Variants in RFX6 observed in about 807,000 individuals in gnomAD.
RFX6 encodes the protein regulatory factor X6.
A neutral mutation model predicts 110.8 loss-of-function variants in RFX6; 50 were observed. That is an observed-to-expected ratio of 0.45 (90% confidence interval 0.36 to 0.57). The LOEUF (loss-of-function observed/expected upper bound fraction) is 0.57, where lower values mean the gene tolerates loss of function less well. RFX6 is among the 20% of genes least tolerant of loss of function. The probability of loss-of-function intolerance (pLI) is 0.00; values close to 1 mark genes in which losing one functional copy is unlikely to be tolerated. For synonymous variants in RFX6, 383 were observed against 411.2 expected (o/e 0.93, Z 0.83); for missense variants, 990 against 1,127.0 (o/e 0.88, Z 1.74).
chr6:116,901,007 G>A (rs1335614995), intron 6 of RFX6, among the ~76,000 whole-genome samples: 3 of 152,046 alleles, frequency 2.0e-5, no homozygotes, highest in African/African-American at 7.2e-5. Flanking sequence ...ACTGTACTTC[G>A]AGTACCCATA....
chr6:116,920,227 A>G lies in RFX6; in HGVS notation c.1183-83A>G. On this transcript the variant is annotated intron_variant, in intron 11 of 18. Coordinates refer to ENST00000332958, the MANE Select transcript of RFX6 (RefSeq NM_173560.4). ...ATTTATGATACTTTTATCTCAAGGA[A>G]CTATTTTTCTGATAGCTAAAAATTT... is the stretch of plus-strand genomic sequence containing the variant. The G allele has an allele frequency of 3.8e-6, 4 of 1,043,042 alleles. No individual in the cohort carries two copies. The Admixed American group carries it at 5.1e-5, about 13-fold the overall frequency. 64.6% of individuals were successfully genotyped at this position (1,043,042 alleles called of 1,614,324 possible). A position where few individuals can be genotyped will look rare whatever the true frequency, so the allele number is the denominator to read the frequency against.
At position 116,882,436 on chromosome 6, in the gene RFX6, A is replaced by G. The variant is rs763331064; in HGVS notation, c.566+8A>G. The G allele has an allele frequency of 1.1e-5, 18 of 1,599,676 alleles. No individual in the cohort carries two copies. The highest frequency in any genetic ancestry group is 1.5e-5 in the Non-Finnish European group (18 of 1,167,136). The stretch of plus-strand genomic sequence containing the variant: ...AACAAGAGGCCATTCAAAGTAAGAT[A>G]CCAGTGAACATATTCAGGTTCTGCT... On this transcript the variant is annotated splice_region_variant and intron_variant, in intron 4 of 18. Coordinates refer to ENST00000332958, the MANE Select transcript of RFX6 (RefSeq NM_173560.4).
chr6:116,878,224 TGAAC>T (rs2114658156), intron 2 of RFX6, among the ~76,000 whole-genome samples: 1 of 152,332 alleles, frequency 6.6e-6, no homozygotes, highest in Non-Finnish European at 1.5e-5. Context: ...TAAGCATTAA[TGAAC>T]GTTTTTATGA....
chr6:116,896,718 A>T (rs959650750), intron 6 of RFX6, among the ~76,000 whole-genome samples: 10 of 151,514 alleles, frequency 6.6e-5, no homozygotes, highest in Non-Finnish European at 1.2e-4. Context: ...AAAAAAAAAA[A>T]ATTGTATTTA....
intron 2 of RFX6, among the ~76,000 whole-genome samples, chr6:116,878,454 TACTAACTTAAATAGAAGTTCA>T (rs1382265321): frequency 6.6e-6 from 1 of 152,140 alleles, no homozygotes; most frequent in Admixed American, 6.5e-5. Context: ...AAGATATCTA[TACTAACTTAAATAGAAGTTCA>T]ACTATTTTTA....
chr6:116,927,162 C>A lies in RFX6; in HGVS notation c.2021C>A (p.Ala674Asp). The change falls in exon 17 of 19, where the codon GCT (alanine) becomes GAT (aspartate). Residue 674 changes from alanine (A) to aspartate (D), a missense_variant. Around this residue, in one of 5 missense-constraint regions of RFX6, gnomAD observed 438 missense variants for 441.9 expected, o/e 0.99. Coordinates refer to ENST00000332958, the MANE Select transcript of RFX6 (RefSeq NM_173560.4). ...CCAAGTGTGGGCCCAGTACTGTCAGCTCCATCACACTGCTCCACATACCCA... is the reference window on the plus strand; with the variant it reads ...CCAAGTGTGGGCCCAGTACTGTCAGATCCATCACACTGCTCCACATACCCA... ...RPPSVGPVLS[A>D]PSHCSTYPEP... 1 of 1,614,170 alleles carries A rather than the reference C, an allele frequency of 6.2e-7. No homozygotes were observed. Among genetic ancestry groups the A allele is most frequent in the Non-Finnish European group, 8.5e-7 (1 of 1,180,028 alleles).
chr6:116,887,168 A>C (rs17206837), intron 4 of RFX6, among the ~76,000 whole-genome samples: 2,462 of 152,314 alleles, frequency 0.016, 26 homozygotes, highest in Non-Finnish European at 0.026. Context: ...AAAATTAGGA[A>C]CAATTAAAAA....
intron 6 of RFX6, among the ~76,000 whole-genome samples, chr6:116,907,845 G>C (rs551102674): frequency 6.6e-6 from 1 of 152,084 alleles, no homozygotes; most frequent in East Asian, 1.9e-4. Flanking sequence ...AACAATTATT[G>C]TAAAACTGTT....
chr6:116,883,290 CT>C (rs1313583379), intron 4 of RFX6, among the ~76,000 whole-genome samples: 3 of 152,106 alleles, frequency 2.0e-5, no homozygotes, highest in African/African-American at 7.2e-5. Context: ...ATAATGCCCT[CT>C]TAAAATAAAT....
intron 6 of RFX6, among the ~76,000 whole-genome samples, chr6:116,900,757 G>T (rs1204376313): frequency 6.6e-6 from 1 of 151,968 alleles, no homozygotes; most frequent in Non-Finnish European, 1.5e-5. Context: ...TAATATCAAA[G>T]AAATGGTTAC....
chr6:116,902,899 AT>A (rs1246778454), intron 6 of RFX6, among the ~76,000 whole-genome samples: 1 of 152,018 alleles, frequency 6.6e-6, no homozygotes, highest in Non-Finnish European at 1.5e-5. Context: ...ATCTTTCCTC[AT>A]AAATCAGACC....
At position 116,931,773 on chromosome 6, in the gene RFX6, A is replaced by AAACATTT; in HGVS notation, c.*268_*274dup. 2.9e-6 allele frequency: 1 copy of AAACATTT among 350,454 alleles called. No individual in the cohort carries two copies. Among genetic ancestry groups the AAACATTT allele is most frequent in the Non-Finnish European group, 5.2e-6 (1 of 193,356 alleles). 21.7% of individuals were successfully genotyped at this position (350,454 alleles called of 1,614,324 possible). ...AAAACCAGTGAAGATCTGAAGATGC[A>AAACATTT]AACATTTCAACTATGAAGATTTACA... is the stretch of plus-strand genomic sequence containing the variant. On this transcript the variant is annotated 3_prime_UTR_variant, in exon 19 of 19. Coordinates refer to ENST00000332958, the MANE Select transcript of RFX6 (RefSeq NM_173560.4).
In RFX6 at chr6:116,927,481, G is replaced by A; in HGVS notation, c.2340G>A (p.Leu780=). Residue 780 remains leucine (L), a synonymous_variant, in exon 17 of 19, where the codon TTG becomes TTA. Transcript: ENST00000332958. ...QFLNTGSFNF[L]SNTGAASCQG... is the part of the protein sequence containing the mutation. Reference sequence around the variant, plus strand: ...TAAATACAGGAAGCTTCAATTTCTTGAGCAACACAGGAGCTGCCAGCTGCC... The same window carrying A: ...TAAATACAGGAAGCTTCAATTTCTTAAGCAACACAGGAGCTGCCAGCTGCC... 1.2e-6 allele frequency: 2 copies of A among 1,614,046 alleles called. No individual in the cohort carries two copies. The highest frequency in any genetic ancestry group is 1.7e-6 in the Non-Finnish European group (2 of 1,179,982).
In RFX6 at chr6:116,925,721, T is replaced by C; in HGVS notation, c.1885+62T>C. On this transcript the variant is annotated intron_variant, in intron 16 of 18. Transcript: ENST00000332958. ...TCAGAGAAGCCTGTTGCTTCATTTT[T>C]CTTAAAACTCATAACTTCCAGTCCA... 5 of 1,132,032 alleles carry C rather than the reference T, an allele frequency of 4.4e-6. No individual in the cohort carries two copies. In the Admixed American group the frequency reaches 7.5e-5, roughly 17 times the overall value. 70.1% of individuals were successfully genotyped at this position (1,132,032 alleles called of 1,614,324 possible). A position where few individuals can be genotyped will look rare whatever the true frequency, so the allele number is the denominator to read the frequency against.
chr6:116,895,638 C>T (rs1284886898), intron 6 of RFX6, among the ~76,000 whole-genome samples: 1 of 136,730 alleles, frequency 7.3e-6, no homozygotes, highest in Non-Finnish European at 1.6e-5. Context: ...TGTTTTACTA[C>T]TTTGTGTACA....
intron 2 of RFX6, 25 bp from the exon 3 acceptor site, chr6:116,880,519 C>A (rs1191577734): frequency 6.2e-7 from 1 of 1,604,274 alleles, no homozygotes; most frequent in Admixed American, 1.7e-5. Context: ...AAATATTTGA[C>A]CTAATTTTTG....
At chr6:116,906,772 T>A (rs1215899410) in intron 6 of RFX6, among the ~76,000 whole-genome samples, 1 of 151,690 alleles carries the variant, frequency 6.6e-6, no homozygotes, top group Non-Finnish European at 1.5e-5. Context: ...TGTGTAATTT[T>A]TAGGGGTTTC....
intron 10 of RFX6, 73 bp downstream of exon 10, chr6:116,918,159 A>G (rs1775509342): frequency 8.8e-6 from 9 of 1,025,526 alleles, no homozygotes; most frequent in South Asian, 2.6e-5. Flanking sequence ...AGAAGAAAAC[A>G]TTAGGTAGTA....
At chr6:116,920,234 T>G in intron 11 of RFX6, 76 bp from the exon 12 acceptor site, 1 of 1,167,032 alleles carries the variant, frequency 8.6e-7, no homozygotes, top group Non-Finnish European at 1.3e-6. Flanking sequence ...GGAACTATTT[T>G]TCTGATAGCT....
Sources: gnomAD v4.1 joint callset for allele counts (sites outside exome capture counted in the v4.1 genomes callset) on GRCh38, gnomAD v4.1.1 for gene constraint, gnomAD v4.1.1 regional missense constraint, MANE v1.5 for transcripts, NCBI Gene and HGNC (gene_info 2026-07-23, HGNC 2026-07-21) for gene names.